Variants in MACROD2 observed in about 807,000 individuals in gnomAD.
The protein encoded by MACROD2 is ADP-ribose glycohydrolase MACROD2.
A neutral mutation model predicts 70.4 loss-of-function variants in MACROD2; 36 were observed. That is an observed-to-expected ratio of 0.51 (90% CI 0.39 to 0.68). The LOEUF is 0.68. Ranked by LOEUF, MACROD2 falls within the 30% of genes least tolerant of loss-of-function variation. The pLI, the probability that MACROD2 is intolerant of heterozygous loss-of-function variation, is 0.00. For synonymous variants in MACROD2, 172 were observed against 178.8 expected (o/e 0.96, Z 0.30); for missense variants, 496 against 538.4 (o/e 0.92, Z 0.78).
At position 15,008,725 on chromosome 20, in the gene MACROD2, A is replaced by G. The variant is rs559932182; in HGVS notation, c.419-221215A>G. ...TTACGTAGTAAAATGCATGTACTTAAAGTGGATGGTATGGCATGACTGGAG... is the reference window on the plus strand; with the variant it reads ...TTACGTAGTAAAATGCATGTACTTAGAGTGGATGGTATGGCATGACTGGAG... On this transcript the variant is annotated intron_variant, in intron 5 of 17. Coordinates refer to ENST00000684519, the MANE Select transcript of MACROD2 (RefSeq NM_001351661.2). Among the ~76,000 whole-genome samples, 3 of 152,314 alleles carry G rather than the reference A, an allele frequency of 2.0e-5. No individual in the cohort carries two copies. The South Asian group carries it at 6.2e-4, about 32-fold the overall frequency.
intron 8 of MACROD2, among the ~76,000 whole-genome samples, chr20:15,768,446 T>C (rs1419492396): frequency 6.6e-6 from 1 of 152,094 alleles, no homozygotes; most frequent in Non-Finnish European, 1.5e-5. Flanking sequence ...ATAAAAATGG[T>C]CCACTTGTAT....
intron 3 of MACROD2, among the ~76,000 whole-genome samples, chr20:14,180,515 A>C (rs536828698): frequency 2.6e-5 from 4 of 152,048 alleles, no homozygotes; most frequent in Non-Finnish European, 5.9e-5. Context: ...CTTTTGTTGC[A>C]GTTTTCTTTT....
At chr20:15,307,458 C>T (rs1163366810) in intron 6 of MACROD2, among the ~76,000 whole-genome samples, 1 of 152,102 alleles carries the variant, frequency 6.6e-6, no homozygotes, top group Non-Finnish European at 1.5e-5. Flanking sequence ...TACATTGTTC[C>T]ATGTTTGTTA....
chr20:15,285,431 C>A (rs1347887447), intron 6 of MACROD2, among the ~76,000 whole-genome samples: 1 of 152,146 alleles, frequency 6.6e-6, no homozygotes, highest in Non-Finnish European at 1.5e-5. Flanking sequence ...TTTGAACTAG[C>A]TTTATCATCG....
intron 8 of MACROD2, among the ~76,000 whole-genome samples, chr20:15,730,684 G>A (rs571098585): frequency 1.7e-4 from 26 of 151,568 alleles, no homozygotes; most frequent in Admixed American, 3.3e-4. Context: ...CTCTCGTACC[G>A]TATCTTGCAA....
At chr20:14,937,125 C>G (rs573631586) in intron 5 of MACROD2, among the ~76,000 whole-genome samples, 1 of 151,816 alleles carries the variant, frequency 6.6e-6, no homozygotes, top group Non-Finnish European at 1.5e-5. Flanking sequence ...TGTGGGAGGT[C>G]AGGAGAGTGT....
intron 5 of MACROD2, among the ~76,000 whole-genome samples, chr20:14,826,855 G>A (rs796946948): frequency 4.6e-5 from 7 of 152,046 alleles, no homozygotes; most frequent in Admixed American, 2.6e-4. Flanking sequence ...TTCAGATTTC[G>A]TACATTTGAG....
intron 8 of MACROD2, among the ~76,000 whole-genome samples, chr20:15,645,191 G>A (rs557420651): frequency 1.4e-4 from 21 of 152,166 alleles, no homozygotes; most frequent in Non-Finnish European, 2.8e-4. Context: ...TTGCTGCACC[G>A]GAATGGTGGA....
intron 3 of MACROD2, among the ~76,000 whole-genome samples, chr20:14,134,940 C>T (rs1391921446): frequency 3.3e-5 from 5 of 150,860 alleles, no homozygotes; most frequent in South Asian, 4.2e-4. Context: ...ATTTAAGAAA[C>T]GCAAAATTCT....
chr20:14,116,252 T>C (rs2054512265), intron 3 of MACROD2, among the ~76,000 whole-genome samples: 1 of 152,236 alleles, frequency 6.6e-6, no homozygotes, highest in Non-Finnish European at 1.5e-5. Context: ...TCAGCTGTTA[T>C]TAAAACGCAA....
chr20:15,985,177 G>A (rs1404375990), intron 13 of MACROD2, among the ~76,000 whole-genome samples: 2 of 152,016 alleles, frequency 1.3e-5, no homozygotes, highest in African/African-American at 2.4e-5. Context: ...TCCTAGTAGG[G>A]TGGGCTTACT....
At chr20:15,664,051 G>A (rs890336580) in intron 8 of MACROD2, among the ~76,000 whole-genome samples, 11 of 152,218 alleles carry the variant, frequency 7.2e-5, no homozygotes, top group East Asian at 5.8e-4. Flanking sequence ...CAGTCTCTCT[G>A]TATGATAAAT....
chr20:15,172,561 T>C (rs1276895784), intron 5 of MACROD2, among the ~76,000 whole-genome samples: 1 of 150,998 alleles, frequency 6.6e-6, no homozygotes, highest in Non-Finnish European at 1.5e-5. Context: ...TACTGTTTTG[T>C]TTTTTTTTCT....
chr20:15,452,560 C>A (rs1331644559), intron 7 of MACROD2, among the ~76,000 whole-genome samples: 1 of 152,140 alleles, frequency 6.6e-6, no homozygotes, highest in Non-Finnish European at 1.5e-5. Context: ...TCTCTTCTCT[C>A]CCATCTCCTC....
At chr20:15,789,909 C>T (rs1316728233) in intron 8 of MACROD2, among the ~76,000 whole-genome samples, 3 of 151,912 alleles carry the variant, frequency 2.0e-5, no homozygotes, top group African/African-American at 7.2e-5. Context: ...AGAGATGAAA[C>T]TCGTTGATGA....
intron 6 of MACROD2, among the ~76,000 whole-genome samples, chr20:15,298,495 C>G (rs1197659599): frequency 6.6e-6 from 1 of 152,136 alleles, no homozygotes; most frequent in East Asian, 1.9e-4. Context: ...GGGTTACATT[C>G]AGCACAATTA....
At chr20:14,918,608 G>GTTTT (rs201816737) in intron 5 of MACROD2, among the ~76,000 whole-genome samples, 17 of 135,592 alleles carry the variant, frequency 1.3e-4, no homozygotes, top group East Asian at 2.3e-4. Flanking sequence ...GTGACACTGT[G>GTTTT]TTTTTTTTGT....
chr20:15,604,421 G>A (rs901149301), intron 8 of MACROD2, among the ~76,000 whole-genome samples: 3 of 152,174 alleles, frequency 2.0e-5, no homozygotes, highest in Non-Finnish European at 4.4e-5. Context: ...TGGGAATGGA[G>A]CCTGAACAGC....
At chr20:14,573,278 T>C (rs1479522254) in intron 4 of MACROD2, among the ~76,000 whole-genome samples, 1 of 152,182 alleles carries the variant, frequency 6.6e-6, no homozygotes, top group East Asian at 1.9e-4. Context: ...TTATTTTATA[T>C]AATGTTTGTT....
Sources: allele counts gnomAD v4.1 joint callset (sites outside exome capture counted in the v4.1 genomes callset), GRCh38; gene constraint gnomAD v4.1.1; transcripts MANE v1.5; gene names NCBI Gene and HGNC (gene_info 2026-07-23, HGNC 2026-07-21).